Variants in NLRP2 observed in about 807,000 individuals in gnomAD.
NLRP2 encodes the protein NACHT, LRR and PYD domains-containing protein 2.
In NLRP2, 107 loss-of-function variants were observed where a neutral mutation model predicts 97.2. The ratio of observed to expected loss-of-function variants is 1.10; its 90% confidence interval spans 0.94 to 1.29. The LOEUF (loss-of-function observed/expected upper bound fraction) is 1.29, where lower values mean the gene tolerates loss of function less well. Ranked by LOEUF, NLRP2 falls within the 50% of genes most tolerant of loss-of-function variation. The probability of loss-of-function intolerance (pLI) is 0.00; values close to 1 mark genes in which losing one functional copy is unlikely to be tolerated. For missense variants in NLRP2, 1,495 were observed against 1,330.3 expected (o/e 1.12, Z -1.93); for synonymous variants, 663 against 551.5 (o/e 1.20, Z -2.83).
intron 12 of NLRP2, among the ~76,000 whole-genome samples, chr19:54,998,611 C>CTTT (rs375510249): frequency 4.7e-5 from 2 of 42,196 alleles, no homozygotes; most frequent in Admixed American, 3.6e-4. Flanking sequence ...CATCTTTTTT[C>CTTT]TTTTTTTTTT....
chr19:54,984,737 C>T (rs1035610826), intron 6 of NLRP2, among the ~76,000 whole-genome samples: 2 of 151,954 alleles, frequency 1.3e-5, no homozygotes, highest in African/African-American at 4.8e-5. Context: ...CCCGCCTCAG[C>T]CTCACAAAGT....
At chr19:54,993,972 T>C (rs951345331) in intron 10 of NLRP2, 8 of 499,908 alleles carry the variant, frequency 1.6e-5, no homozygotes, top group Admixed American at 3.3e-5. Flanking sequence ...GACTCTCAGC[T>C]CCCTCTTATG....
At chr19:54,968,910 C>T (rs2070662978) in intron 1 of NLRP2, among the ~76,000 whole-genome samples, 1 of 151,598 alleles carries the variant, frequency 6.6e-6, no homozygotes, top group East Asian at 2.0e-4. Flanking sequence ...ACTGTGTTAG[C>T]CAGGATGGTC....
chr19:54,974,451 C>T (rs894073141), intron 2 of NLRP2, 49 bp from the exon 3 acceptor site: 5 of 1,394,954 alleles, frequency 3.6e-6, no homozygotes, highest in Non-Finnish European at 5.1e-6. Context: ...GCAATAAAAT[C>T]TTGAGCTTAT....
At chr19:54,979,359 T>C (rs2146404730) in intron 4 of NLRP2, among the ~76,000 whole-genome samples, 1 of 152,154 alleles carries the variant, frequency 6.6e-6, no homozygotes, top group East Asian at 1.9e-4. Context: ...TGTTTTTTCT[T>C]GAGAAAGAGT....
intron 8 of NLRP2, among the ~76,000 whole-genome samples, chr19:54,987,047 G>T (rs1448415672): frequency 6.6e-6 from 1 of 151,016 alleles, no homozygotes; most frequent in Non-Finnish European, 1.5e-5. Context: ...ACCACACCTG[G>T]TTAATTTTTG....
intron 1 of NLRP2, among the ~76,000 whole-genome samples, chr19:54,967,251 G>T (rs1389761103): frequency 6.6e-6 from 1 of 152,086 alleles, no homozygotes; most frequent in Non-Finnish European, 1.5e-5. Context: ...GGGAGGCCGA[G>T]GCGGGAGGAT....
chr19:54,984,362 A>T, intron 6 of NLRP2, among the ~76,000 whole-genome samples: 1 of 107,138 alleles, frequency 9.3e-6, no homozygotes, highest in African/African-American at 3.8e-5. Context: ...TGGAAAGACA[A>T]AATCTCACTA....
rs763292353 is a variant in NLRP2 at position 54,983,154 on chromosome 19, G to A, written c.1456G>A (p.Gly486Arg). 98 of 1,613,518 alleles carry A rather than the reference G, an allele frequency of 6.1e-5. 3 individuals carry two copies. The South Asian group carries it at 8.0e-4, about 13-fold the overall frequency. ...GTCCGACCTCCGTCTGTTCCTGGAC[G>A]GAGACATCCTCCGCCAGGACAGAGT... Reference protein sequence around the residue: ...QESDLRLFLDGDILRQDRVSK... With the variant: ...QESDLRLFLDRDILRQDRVSK... Residue 486 changes from glycine to arginine, a missense_variant, in exon 6 of 13, where the codon GGA (glycine) becomes AGA (arginine). Gly to Arg is a moderately radical substitution (Grantham distance 125, BLOSUM62 -2). Coordinates refer to ENST00000448584, the MANE Select transcript of NLRP2 (RefSeq NM_017852.5).
intron 10 of NLRP2, among the ~76,000 whole-genome samples, chr19:54,992,776 C>T (rs1460075957): frequency 6.6e-6 from 1 of 151,806 alleles, no homozygotes; most frequent in East Asian, 1.9e-4. Context: ...TCAAGCTGGT[C>T]TCGAATTCCT....
intron 7 of NLRP2, among the ~76,000 whole-genome samples, chr19:54,985,705 GAA>G (rs1289243564): frequency 1.6e-4 from 22 of 136,142 alleles, no homozygotes; most frequent in Non-Finnish European, 9.3e-5. Context: ...AAAAGAAAAA[GAA>G]AAAAAGGGCC....
intron 2 of NLRP2, among the ~76,000 whole-genome samples, chr19:54,970,965 TC>T (rs2070814769): frequency 1.5e-5 from 1 of 65,200 alleles, no homozygotes; most frequent in Non-Finnish European, 2.8e-5. Context: ...ATGCTATCCC[TC>T]CCCCCTCCCC....
At chr19:54,995,072 G>A (rs1029736181) in intron 11 of NLRP2, among the ~76,000 whole-genome samples, 1 of 151,052 alleles carries the variant, frequency 6.6e-6, no homozygotes, top group African/African-American at 2.4e-5. Flanking sequence ...CCAGCACTTC[G>A]GGAGGCCGAA....
chr19:54,968,293 A>G lies in NLRP2; in HGVS notation c.-17-1706A>G, dbSNP rs2070607771. Among the ~76,000 whole-genome samples the G allele has an allele frequency of 3.3e-5, 5 of 151,724 alleles. No individual in the cohort carries two copies. The Admixed American group carries it at 3.3e-4, about 10-fold the overall frequency. ...AACTTCTGGACTGGAGTGATCACCC[A>G]CCTGAGCTTCCCAAAGTGCGGGGAT... On this transcript the variant is annotated intron_variant, in intron 1 of 12. Transcript: ENST00000448584.
intron 1 of NLRP2, among the ~76,000 whole-genome samples, chr19:54,968,663 T>C (rs1402111813): frequency 1.4e-5 from 2 of 146,092 alleles, no homozygotes; most frequent in Non-Finnish European, 3.0e-5. Flanking sequence ...CACACCTGTG[T>C]CCTGAGACCA....
At position 54,978,005 on chromosome 19, in the gene NLRP2, G is replaced by A. The variant is rs184546181; in HGVS notation, c.397+182G>A. Among the ~76,000 whole-genome samples, 6 of 152,252 alleles carry A rather than the reference G, an allele frequency of 3.9e-5. No individual in the cohort carries two copies. In the East Asian group the frequency reaches 7.7e-4, roughly 20 times the overall value. On this transcript the variant is annotated intron_variant, in intron 4 of 12. Coordinates refer to ENST00000448584, the MANE Select transcript of NLRP2 (RefSeq NM_017852.5). ...CGTAAGAATAGAGGGAAGAACGAAC[G>A]TTGCAGAGAATTAGAACTCAGTTTG...
chr19:54,981,407 TCC>T (rs1568489838), intron 4 of NLRP2, among the ~76,000 whole-genome samples: 3 of 151,918 alleles, frequency 2.0e-5, no homozygotes, highest in African/African-American at 7.3e-5. Context: ...GCTCAAGTGA[TCC>T]ACCCCACCTC....
At chr19:54,998,606 TTTTTC>T (rs529094852) in intron 12 of NLRP2, among the ~76,000 whole-genome samples, 31,191 of 121,720 alleles carry the variant, frequency 0.26, 4,643 homozygotes, top group Middle Eastern at 0.38. Context: ...GGGTGCATCT[TTTTTC>T]TTTTTTTTTT....
At chr19:54,996,373 G>A (rs948929464) in intron 11 of NLRP2, among the ~76,000 whole-genome samples, 13 of 151,976 alleles carry the variant, frequency 8.6e-5, no homozygotes, top group Admixed American at 3.3e-4. Flanking sequence ...AGGCAGGCAT[G>A]GTGGCACATA....
Sources: gnomAD v4.1 joint callset for allele counts (sites outside exome capture counted in the v4.1 genomes callset) on GRCh38, gnomAD v4.1.1 for gene constraint, MANE v1.5 for transcripts, NCBI Gene and HGNC (gene_info 2026-07-23, HGNC 2026-07-21) for gene names.